The following NEBL variants were observed in gnomAD, a reference collection of about 807,000 sequenced individuals.
The protein encoded by NEBL is nebulette, also known as LIM and SH3 protein 2.
A neutral mutation model predicts 140.2 loss-of-function variants in NEBL; 122 were observed. The observed-to-expected ratio is 0.87, with a 90% CI of 0.75 to 1.01. NEBL has a LOEUF of 1.01. NEBL is among the 50% of genes least tolerant of loss of function. The probability of loss-of-function intolerance (pLI) is 0.00; values close to 1 mark genes in which losing one functional copy is unlikely to be tolerated. For synonymous variants in NEBL, 436 were observed against 398.9 expected, an observed-to-expected ratio of 1.09 and a Z score of -1.11; for missense variants, 1,365 against 1,231.3, an observed-to-expected ratio of 1.11 and a Z score of -1.62.
At chr10:21,117,713 G>T (rs551353160) in intron 2 of NEBL, among the ~76,000 whole-genome samples, 4 of 152,070 alleles carry the variant, frequency 2.6e-5, no homozygotes, top group African/African-American at 9.7e-5. Context: ...ATTGCTGAAC[G>T]CATCTCTCTA....
intron 3 of NEBL, among the ~76,000 whole-genome samples, chr10:21,244,766 C>T (rs1036257156): frequency 1.3e-5 from 2 of 148,178 alleles, no homozygotes; most frequent in African/African-American, 2.5e-5. Flanking sequence ...TCCCAGCTAC[C>T]GAGCAGGCTG....
At chr10:21,159,521 G>C (rs772629206) in intron 2 of NEBL, among the ~76,000 whole-genome samples, 2 of 152,138 alleles carry the variant, frequency 1.3e-5, no homozygotes, top group African/African-American at 4.8e-5. Context: ...CAAATTAAGC[G>C]CAAAGCAGCT....
intron 2 of NEBL, among the ~76,000 whole-genome samples, chr10:21,100,406 G>A (rs920881039): frequency 1.3e-5 from 2 of 152,186 alleles, no homozygotes; most frequent in East Asian, 1.9e-4. Context: ...TCAGCTGTGC[G>A]GGCTGCCGCA....
At chr10:20,839,720 C>T (rs1841230403) in intron 13 of NEBL, among the ~76,000 whole-genome samples, 1 of 152,132 alleles carries the variant, frequency 6.6e-6, no homozygotes, top group Admixed American at 6.5e-5. Context: ...GCACATTCTA[C>T]TCCCCCAATC....
chr10:21,264,841 G>A (rs1842780298), intron 1 of NEBL, among the ~76,000 whole-genome samples: 1 of 151,696 alleles, frequency 6.6e-6, no homozygotes, highest in Non-Finnish European at 1.5e-5. Context: ...TGTCTGGAAA[G>A]GGCTTGTTCT....
At chr10:20,983,904 T>C (rs945241978) in intron 3 of NEBL, among the ~76,000 whole-genome samples, 3 of 152,216 alleles carry the variant, frequency 2.0e-5, no homozygotes, top group South Asian at 2.1e-4. Flanking sequence ...CTCAGGGAAC[T>C]GGTATTTAAA....
chr10:20,861,295 A>T (rs552900490), intron 7 of NEBL, among the ~76,000 whole-genome samples: 3 of 152,224 alleles, frequency 2.0e-5, no homozygotes, highest in African/African-American at 7.2e-5. Flanking sequence ...CTCCTGCCTC[A>T]GCCTCCCAAG....
At chr10:21,062,358 GCTGTTAGAGAACT>G (rs1835342007) in intron 2 of NEBL, among the ~76,000 whole-genome samples, 2 of 152,026 alleles carry the variant, frequency 1.3e-5, no homozygotes, top group African/African-American at 4.8e-5. Flanking sequence ...GCCTAGGGGT[GCTGTTAGAGAACT>G]CTGTTCCTGG....
chr10:20,911,597 T>C (rs1338685791), intron 4 of NEBL, among the ~76,000 whole-genome samples: 1 of 152,252 alleles, frequency 6.6e-6, no homozygotes, highest in Non-Finnish European at 1.5e-5. Context: ...TCTCATAGTC[T>C]AGTTTTAAAA....
At chr10:20,965,739 G>C (rs879696948) in intron 3 of NEBL, among the ~76,000 whole-genome samples, 1 of 152,162 alleles carries the variant, frequency 6.6e-6, no homozygotes, top group African/African-American at 2.4e-5. Context: ...GGACAGACGC[G>C]AGAAGCCCAG....
chr10:20,951,242 T>C (rs937594530), intron 4 of NEBL, among the ~76,000 whole-genome samples: 1 of 152,194 alleles, frequency 6.6e-6, no homozygotes, highest in African/African-American at 2.4e-5. Flanking sequence ...TGGAGGCATT[T>C]CACAAAAGCA....
intron 3 of NEBL, among the ~76,000 whole-genome samples, chr10:21,240,911 C>T (rs1276273563): frequency 2.2e-5 from 3 of 139,362 alleles, no homozygotes; most frequent in African/African-American, 9.0e-5. Flanking sequence ...CACACATACA[C>T]ACACACACAC....
At chr10:20,953,944 T>C (rs1835642742) in intron 4 of NEBL, among the ~76,000 whole-genome samples, 2 of 151,724 alleles carry the variant, frequency 1.3e-5, no homozygotes, top group Admixed American at 1.3e-4. Context: ...ACTCATTCCT[T>C]GCTCCACTAT....
chr10:20,968,177 G>C (rs1564465696), intron 3 of NEBL, among the ~76,000 whole-genome samples: 1 of 152,054 alleles, frequency 6.6e-6, no homozygotes, highest in African/African-American at 2.4e-5. Context: ...ATTGCATTGA[G>C]AGAGTGTAAA....
At chr10:20,995,061 C>T (rs565723471) in intron 3 of NEBL, among the ~76,000 whole-genome samples, 1 of 152,360 alleles carries the variant, frequency 6.6e-6, no homozygotes, top group South Asian at 2.1e-4. Flanking sequence ...CAACCACAGA[C>T]ATCCACATTG....
intron 2 of NEBL, among the ~76,000 whole-genome samples, chr10:21,047,836 A>G (rs1834589283): frequency 6.6e-6 from 1 of 152,216 alleles, no homozygotes; most frequent in Admixed American, 6.5e-5. Context: ...CGCATGCCCG[A>G]GCAATATTGT....
At chr10:21,097,851 T>A (rs1837266663) in intron 2 of NEBL, among the ~76,000 whole-genome samples, 1 of 152,184 alleles carries the variant, frequency 6.6e-6, no homozygotes, top group Non-Finnish European at 1.5e-5. Flanking sequence ...GATGTAATAG[T>A]CACAGCTCCA....
At chr10:21,078,878 G>A (rs1193403409) in intron 2 of NEBL, among the ~76,000 whole-genome samples, 2 of 152,208 alleles carry the variant, frequency 1.3e-5, no homozygotes, top group Non-Finnish European at 2.9e-5. Flanking sequence ...TGGCACTGTT[G>A]ATTCCAGTTT....
intron 3 of NEBL, among the ~76,000 whole-genome samples, chr10:21,212,938 A>G (rs764071410): frequency 2.0e-5 from 3 of 152,224 alleles, no homozygotes; most frequent in Non-Finnish European, 4.4e-5. Flanking sequence ...AATACAGCTC[A>G]TTAAGTTCTT....
Sources: gnomAD v4.1 joint callset for allele counts (sites outside exome capture counted in the v4.1 genomes callset) on GRCh38, gnomAD v4.1.1 for gene constraint, MANE v1.5 for transcripts, NCBI Gene and HGNC (gene_info 2026-07-23, HGNC 2026-07-21) for gene names.